ANKRD30B: variants seen among roughly 807,000 people sequenced by gnomAD.
ANKRD30B encodes the protein ankyrin repeat domain 30B, also known as ankyrin repeat domain-containing protein 30B.
ANKRD30B carries 144 observed loss-of-function variants against 202.2 expected under a neutral mutation model. The observed-to-expected ratio is 0.71, with a 90% CI of 0.62 to 0.82. The LOEUF (loss-of-function observed/expected upper bound fraction) is 0.82. Ranked by LOEUF, ANKRD30B falls within the 40% of genes least tolerant of loss-of-function variation. The probability of loss-of-function intolerance (pLI) is 0.00; values close to 1 mark genes in which losing one functional copy is unlikely to be tolerated. For synonymous variants in ANKRD30B, 508 were observed against 561.3 expected, an observed-to-expected ratio of 0.91 and a Z score of 1.34; for missense variants, 1,487 against 1,669.1, an observed-to-expected ratio of 0.89 and a Z score of 1.90.
intron 20 of ANKRD30B, among the ~76,000 whole-genome samples, 193 bp downstream of exon 20, chr18:14,798,047 T>C (rs1208479693): frequency 1.3e-5 from 2 of 152,122 alleles, no homozygotes; most frequent in Non-Finnish European, 2.9e-5. Flanking sequence ...ATAAAAAAAT[T>C]CAGCTTTGCC....
In ANKRD30B at chr18:14,810,182, T is replaced by C. The variant is rs1244207141; in HGVS notation, c.2488+2T>C. The stretch of plus-strand genomic sequence containing the variant: ...AGGACAGAGAAACATTAAAAGCAGG[T>C]AAACTTTGTAATTTAAATTTTACTC... On this transcript the variant is annotated splice_donor_variant, in intron 28 of 43. Coordinates refer to ENST00000690538, the MANE Select transcript of ANKRD30B (RefSeq NM_001367607.2). LOFTEE classifies it high-confidence loss of function. The C allele has an allele frequency of 7.3e-7, 1 of 1,361,956 alleles. No homozygotes were observed. Among genetic ancestry groups the C allele is most frequent in the Non-Finnish European group, 1.0e-6 (1 of 998,224 alleles). 84.4% of individuals were successfully genotyped at this position (1,361,956 alleles called of 1,614,324 possible).
At chr18:14,892,223 G>T in the ANKRD30B span, among the ~76,000 whole-genome samples, 1 of 152,182 alleles carries the variant, frequency 6.6e-6, no homozygotes, top group Non-Finnish European at 1.5e-5. Flanking sequence ...TGTCTTTCAT[G>T]ATCAGTTATT....
the ANKRD30B span, chr18:14,909,810 G>A: frequency 3.3e-5 from 5 of 152,120 alleles, no homozygotes; most frequent in Non-Finnish European, 4.4e-5. Context: ...TGGCTGGGTA[G>A]GATTTGTATT....
At chr18:14,897,522 T>C in the ANKRD30B span, among the ~76,000 whole-genome samples, 2 of 152,156 alleles carry the variant, frequency 1.3e-5, no homozygotes, top group Non-Finnish European at 2.9e-5. Context: ...TTCTTGGGAA[T>C]TGTTACAAAG....
chr18:14,800,388 G>C (rs1410451340), intron 22 of ANKRD30B, among the ~76,000 whole-genome samples: 8 of 150,724 alleles, frequency 5.3e-5, no homozygotes, highest in African/African-American at 2.0e-4. Context: ...GCAGTGGTGT[G>C]ATCTTGGCGC....
intron 30 of ANKRD30B, among the ~76,000 whole-genome samples, chr18:14,821,968 C>A (rs1970446160): frequency 6.6e-6 from 1 of 152,040 alleles, no homozygotes; most frequent in African/African-American, 2.4e-5. Flanking sequence ...GTAAATTGTA[C>A]CTTTGAATTC....
At chr18:14,752,409 T>C (rs1401900073) in intron 1 of ANKRD30B, among the ~76,000 whole-genome samples, 157 bp from the exon 2 acceptor site, 5 of 152,194 alleles carry the variant, frequency 3.3e-5, no homozygotes, top group African/African-American at 1.2e-4. Context: ...CGGTGAGTAA[T>C]AAGAGAACGA....
intron 8 of ANKRD30B, among the ~76,000 whole-genome samples, chr18:14,771,677 C>T (rs1174116181): frequency 6.6e-6 from 1 of 152,118 alleles, no homozygotes; most frequent in Admixed American, 6.6e-5. Context: ...TGTCATTTTC[C>T]AGTGACACAG....
intron 16 of ANKRD30B, among the ~76,000 whole-genome samples, chr18:14,793,972 C>T (rs1968701575): frequency 6.6e-6 from 1 of 151,876 alleles, no homozygotes; most frequent in African/African-American, 2.4e-5. Flanking sequence ...GACTAAAAAG[C>T]ATCATAATAA....
the ANKRD30B span, chr18:14,890,042 C>G: frequency 1.6e-5 from 21 of 1,277,572 alleles, no homozygotes; most frequent in African/African-American, 3.1e-4. Flanking sequence ...CACTTTCCAC[C>G]CCTTTGATTG....
At chr18:14,934,601 G>A in the ANKRD30B span, among the ~76,000 whole-genome samples, 1 of 152,192 alleles carries the variant, frequency 6.6e-6, no homozygotes, top group African/African-American at 2.4e-5. Context: ...GGAGTGGGAT[G>A]AAATGCACTG....
chr18:14,914,440 G>C, the ANKRD30B span, among the ~76,000 whole-genome samples: 1 of 152,152 alleles, frequency 6.6e-6, no homozygotes, highest in African/African-American at 2.4e-5. Flanking sequence ...TTTTTTCAAA[G>C]ACCAGAGAGC....
rs761608087 is a variant in ANKRD30B at position 14,822,539 on chromosome 18, A to G, written c.2670+28A>G. The G allele has an allele frequency of 3.5e-6, 4 of 1,129,586 alleles. No individual in the cohort carries two copies. The Admixed American group carries it at 5.3e-5, about 15-fold the overall frequency. The allele number at this position is 1,129,586 out of a possible 1,614,324, so 70.0% of individuals were successfully genotyped here. ...AATAACTTTTATATTTTTATCTTGA[A>G]TATTAACTACTTATTTTATGAAGTA... is the stretch of plus-strand genomic sequence containing the variant. On this transcript the variant is annotated intron_variant, in intron 31 of 43. Transcript: ENST00000690538.
intron 32 of ANKRD30B, among the ~76,000 whole-genome samples, chr18:14,826,057 T>C (rs559602700): frequency 1.0e-3 from 159 of 152,028 alleles, no homozygotes; most frequent in African/African-American, 3.7e-3. Flanking sequence ...AGGTAATTGG[T>C]TTATACGTAT....
At position 14,791,452 on chromosome 18, in the gene ANKRD30B, C is replaced by A; in HGVS notation, c.1786C>A (p.His596Asn). 1 of 1,611,218 alleles carries A rather than the reference C, an allele frequency of 6.2e-7. No individual in the cohort carries two copies. The highest frequency in any genetic ancestry group is 8.5e-7 in the Non-Finnish European group (1 of 1,178,938). Residue 596 changes from histidine to asparagine, a missense_variant, in exon 16 of 44, where the codon CAT becomes AAT. This residue lies in a region of ANKRD30B where 889 missense variants were observed against 841.4 expected (regional missense o/e 1.06). Transcript: ENST00000690538. ...QKDVYLPKATHQKEFDTLSGK... is the reference protein window; with the variant it reads ...QKDVYLPKATNQKEFDTLSGK... ...GGATGTGTATTTACCCAAAGCTACA[C>A]ATCAAAAAGAATTCGATACCTTAAG...
At chr18:14,837,169 G>GT (rs56391489) in intron 34 of ANKRD30B, 42 bp from the exon 35 acceptor site, 16,809 of 1,224,870 alleles carry the variant, frequency 0.014, no homozygotes, top group South Asian at 0.024. Flanking sequence ...TTTTTCTGAA[G>GT]TTTTTTTTTT....
chr18:14,847,241 T>C (rs1345051430), intron 39 of ANKRD30B, among the ~76,000 whole-genome samples: 1 of 151,746 alleles, frequency 6.6e-6, no homozygotes, highest in African/African-American at 2.4e-5. Context: ...TGTATGGATT[T>C]ACCTCATCAC....
At position 14,748,396 on chromosome 18, in the gene ANKRD30B, T is replaced by C. The variant is rs917783265; in HGVS notation, c.-24T>C. 7.1e-6 allele frequency: 10 copies of C among 1,418,360 alleles called. No individual in the cohort carries two copies. The highest frequency in any genetic ancestry group is 7.4e-6 in the Non-Finnish European group (8 of 1,080,024). The allele number at this position is 1,418,360 out of a possible 1,614,324, so 87.9% of individuals were successfully genotyped here. On this transcript the variant is annotated 5_prime_UTR_variant, in exon 1 of 44. Transcript: ENST00000690538. ...GGAAGGGCGAGCGGGAGGCGCGGGC[T>C]CTCTCTAGCAGGGGGCTGCAGCCAT...
At chr18:14,820,547 A>T (rs1970362494) in intron 30 of ANKRD30B, among the ~76,000 whole-genome samples, 2 of 152,176 alleles carry the variant, frequency 1.3e-5, no homozygotes, top group Admixed American at 1.3e-4. Context: ...ATCAATACCT[A>T]ATTTATTGAG....
Sources: allele counts gnomAD v4.1 joint callset (sites outside exome capture counted in the v4.1 genomes callset), GRCh38; gene constraint gnomAD v4.1.1; regional missense constraint gnomAD v4.1.1; transcripts MANE v1.5; gene names NCBI Gene and HGNC (gene_info 2026-07-23, HGNC 2026-07-21).